Variants in TAFA1 observed in about 807,000 individuals in gnomAD.
The protein encoded by TAFA1 is chemokine-like protein TAFA-1.
A neutral mutation model predicts 18.5 loss-of-function variants in TAFA1; 4 were observed. The ratio of observed to expected loss-of-function variants is 0.22; its 90% CI spans 0.11 to 0.49. The LOEUF (loss-of-function observed/expected upper bound fraction) is 0.49, where lower values mean the gene tolerates loss of function less well. Among genes scored for constraint, TAFA1 ranks in the 20% least tolerant of loss-of-function variants. The probability of loss-of-function intolerance (pLI) is 0.98; values close to 1 mark genes in which losing one functional copy is unlikely to be tolerated. For synonymous variants in TAFA1, 56 were observed against 55.2 expected (o/e 1.01, Z -0.06); for missense variants, 147 against 169.0 (o/e 0.87, Z 0.72).
At chr3:68,364,003 G>A (rs1386080130) in intron 2 of TAFA1, among the ~76,000 whole-genome samples, 1 of 152,140 alleles carries the variant, frequency 6.6e-6, no homozygotes, top group Non-Finnish European at 1.5e-5. Flanking sequence ...GAAAGCATGA[G>A]CTACTAGAGG....
intron 2 of TAFA1, among the ~76,000 whole-genome samples, chr3:68,231,550 C>T (rs902381708): frequency 4.6e-5 from 7 of 150,658 alleles, no homozygotes; most frequent in African/African-American, 9.8e-5. Context: ...TTAGTAGAGA[C>T]GGGGTTTCAC....
rs1264026706 is a variant in TAFA1, at chr3:68,009,485, C to G, written c.118+2741C>G. ...GTGGTTGATCTGTGCGTCAAATACCCCAAGAAACTGCAGCACTGAAACCAA... is the reference window on the plus strand; with the variant it reads ...GTGGTTGATCTGTGCGTCAAATACCGCAAGAAACTGCAGCACTGAAACCAA... On this transcript the variant is annotated intron_variant, in intron 2 of 4. Coordinates refer to ENST00000478136, the MANE Select transcript of TAFA1 (RefSeq NM_213609.4). Among the ~76,000 whole-genome samples, 3 of 152,084 alleles carry G rather than the reference C, an allele frequency of 2.0e-5. No individual in the cohort carries two copies. In the East Asian group the frequency reaches 5.8e-4, roughly 29 times the overall value.
chr3:68,534,539 T>A (rs945102740), intron 3 of TAFA1, among the ~76,000 whole-genome samples: 22 of 152,192 alleles, frequency 1.4e-4, no homozygotes. Flanking sequence ...AAGAATGAAT[T>A]GGATTCTAGT....
intron 3 of TAFA1, among the ~76,000 whole-genome samples, chr3:68,516,752 A>AACAAAATATTTACT (rs1398314616): frequency 6.6e-6 from 1 of 152,174 alleles, no homozygotes; most frequent in Non-Finnish European, 1.5e-5. Flanking sequence ...CCAAATAGCA[A>AACAAAATATTTACT]CTGAAGTACA....
At chr3:68,160,375 A>G (rs2065910999) in intron 2 of TAFA1, among the ~76,000 whole-genome samples, 1 of 152,204 alleles carries the variant, frequency 6.6e-6, no homozygotes, top group South Asian at 2.1e-4. Flanking sequence ...TTTCAATAAA[A>G]CTTTATTTGC....
chr3:68,525,792 T>G (rs1432747170), intron 3 of TAFA1, among the ~76,000 whole-genome samples: 2 of 152,174 alleles, frequency 1.3e-5, no homozygotes, highest in Non-Finnish European at 2.9e-5. Flanking sequence ...AAGATATCAG[T>G]CTCCCCTAGA....
At chr3:68,096,899 A>G (rs2065093057) in intron 2 of TAFA1, among the ~76,000 whole-genome samples, 1 of 152,108 alleles carries the variant, frequency 6.6e-6, no homozygotes, top group African/African-American at 2.4e-5. Flanking sequence ...GCAATCAGAT[A>G]GATTGGAGAG....
chr3:68,498,385 G>A (rs1336239980), intron 3 of TAFA1, among the ~76,000 whole-genome samples: 1 of 147,814 alleles, frequency 6.8e-6, no homozygotes, highest in East Asian at 1.9e-4. Context: ...ATACACCTAG[G>A]AGGCAGGGTT....
At chr3:68,319,426 AGGCTTACT>A (rs148047291) in intron 2 of TAFA1, among the ~76,000 whole-genome samples, 3,927 of 152,294 alleles carry the variant, frequency 0.026, 89 homozygotes, top group East Asian at 0.1. Context: ...GGCAGGGAAG[AGGCTTACT>A]GGCATCTAGT....
chr3:68,049,369 G>A (rs911003760), intron 2 of TAFA1, among the ~76,000 whole-genome samples: 2 of 152,096 alleles, frequency 1.3e-5, no homozygotes, highest in African/African-American at 4.8e-5. Context: ...CTCATTGTAT[G>A]AGGATTGTGG....
intron 2 of TAFA1, among the ~76,000 whole-genome samples, chr3:68,167,654 A>G (rs530371165): frequency 6.6e-6 from 1 of 152,110 alleles, no homozygotes; most frequent in Non-Finnish European, 1.5e-5. Context: ...CAACCACACT[A>G]TGTAGTAAGG....
intron 2 of TAFA1, among the ~76,000 whole-genome samples, chr3:68,235,201 A>G (rs2066914417): frequency 6.6e-6 from 1 of 152,180 alleles, no homozygotes; most frequent in African/African-American, 2.4e-5. Context: ...ATTAGGTAGA[A>G]ATCTTATTTT....
chr3:68,004,151 G>C (rs1704318048), upstream of TAFA1: 1 of 152,194 alleles, frequency 6.6e-6, no homozygotes, highest in South Asian at 2.1e-4. Flanking sequence ...TTGTTGAAGA[G>C]TTAGTAGGCA....
intron 2 of TAFA1, among the ~76,000 whole-genome samples, chr3:68,127,393 C>T (rs1471676179): frequency 1.3e-5 from 2 of 152,048 alleles, no homozygotes; most frequent in Non-Finnish European, 2.9e-5. Flanking sequence ...GCCAGTAAAG[C>T]TTTTGTCTAA....
chr3:68,370,869 A>G (rs970297295), intron 2 of TAFA1, among the ~76,000 whole-genome samples: 1 of 149,496 alleles, frequency 6.7e-6, no homozygotes, highest in Non-Finnish European at 1.5e-5. Context: ...TTAATTAACT[A>G]TGATCATGTG....
intron 3 of TAFA1, among the ~76,000 whole-genome samples, chr3:68,446,579 A>G (rs1350925901): frequency 6.6e-6 from 1 of 152,206 alleles, no homozygotes; most frequent in Non-Finnish European, 1.5e-5. Flanking sequence ...TAATTGAATT[A>G]CCCACTTCAG....
At chr3:68,240,339 CAA>C (rs992088981) in intron 2 of TAFA1, among the ~76,000 whole-genome samples, 14 of 152,130 alleles carry the variant, frequency 9.2e-5, no homozygotes, top group African/African-American at 3.4e-4. Flanking sequence ...AAACTGGGGG[CAA>C]AGAATGTCAT....
chr3:67,994,560 G>A, the TAFA1 span, among the ~76,000 whole-genome samples: 822 of 152,302 alleles, frequency 5.4e-3, 30 homozygotes, highest in East Asian at 0.1. Flanking sequence ...AAAGCCTAGT[G>A]TTGAGTGGAC....
chr3:68,433,745 C>T (rs140340936), intron 3 of TAFA1, among the ~76,000 whole-genome samples: 1 of 152,220 alleles, frequency 6.6e-6, no homozygotes, highest in African/African-American at 2.4e-5. Flanking sequence ...ATTACAAGAA[C>T]TTAACTTCAC....
Sources: gnomAD v4.1 joint callset for allele counts (sites outside exome capture counted in the v4.1 genomes callset) on GRCh38, gnomAD v4.1.1 for gene constraint, MANE v1.5 for transcripts, NCBI Gene and HGNC (gene_info 2026-07-23, HGNC 2026-07-21) for gene names.